The following RNF13 variants were observed in gnomAD, a reference collection of about 807,000 sequenced individuals.
RNF13 encodes E3 ubiquitin-protein ligase RNF13.
Under a neutral mutation model 37.7 loss-of-function variants are expected in RNF13, and 19 were observed. The ratio of observed to expected loss-of-function variants is 0.50; its 90% CI spans 0.35 to 0.74. RNF13 has a LOEUF of 0.74. Ranked by LOEUF, RNF13 falls within the 30% of genes least tolerant of loss-of-function variation. The pLI, the probability that RNF13 is intolerant of heterozygous loss-of-function variation, is 0.01. For missense variants in RNF13, 375 were observed against 453.0 expected, an observed-to-expected ratio of 0.83 and a Z score of 1.56; for synonymous variants, 144 against 157.8, an observed-to-expected ratio of 0.91 and a Z score of 0.65.
intron 8 of RNF13, among the ~76,000 whole-genome samples, chr3:149,950,931 A>G (rs1345471116): frequency 6.6e-6 from 1 of 152,024 alleles, no homozygotes; most frequent in African/African-American, 2.4e-5. Context: ...GGAGTTGGGT[A>G]TTTTTGCCCT....
intron 7 of RNF13, among the ~76,000 whole-genome samples, chr3:149,914,408 G>A (rs1265920069): frequency 5.3e-5 from 8 of 152,004 alleles, no homozygotes; most frequent in African/African-American, 2.4e-5. Flanking sequence ...CATTAATCAT[G>A]TAATCATGTA....
chr3:149,814,167 C>G (rs929876703), intron 1 of RNF13: 1 of 152,196 alleles, frequency 6.6e-6, no homozygotes, highest in Non-Finnish European at 1.5e-5. Context: ...TATTACTGTT[C>G]GTCAGTGATG....
chr3:149,925,123 C>T (rs1440570647), intron 8 of RNF13, among the ~76,000 whole-genome samples: 1 of 152,038 alleles, frequency 6.6e-6, no homozygotes, highest in African/African-American at 2.4e-5. Flanking sequence ...ACTATTATTC[C>T]AGGAGAGTAG....
intron 3 of RNF13, among the ~76,000 whole-genome samples, chr3:149,868,046 G>T (rs188360649): frequency 6.6e-6 from 1 of 151,542 alleles, no homozygotes; most frequent in African/African-American, 2.4e-5. Context: ...AAAGGAAAAT[G>T]AAAAAAAATC....
intron 6 of RNF13, among the ~76,000 whole-genome samples, chr3:149,904,200 A>G (rs971404559): frequency 1.3e-5 from 2 of 152,114 alleles, no homozygotes; most frequent in Non-Finnish European, 2.9e-5. Flanking sequence ...TTAAATGGGT[A>G]TTTTATTTTT....
intron 2 of RNF13, among the ~76,000 whole-genome samples, chr3:149,851,984 G>A (rs1723162383): frequency 3.3e-5 from 5 of 152,250 alleles, no homozygotes; most frequent in East Asian, 1.9e-4. Context: ...AGCTTTTTCC[G>A]TGTATGTATT....
At chr3:149,871,079 T>C (rs1711992514) in intron 3 of RNF13, among the ~76,000 whole-genome samples, 1 of 147,196 alleles carries the variant, frequency 6.8e-6, no homozygotes, top group South Asian at 2.3e-4. Context: ...TTTCGCTCTA[T>C]CGCCCAGGCT....
chr3:149,952,709 C>T (rs1379543798), intron 8 of RNF13, among the ~76,000 whole-genome samples: 3 of 152,110 alleles, frequency 2.0e-5, no homozygotes, highest in Admixed American at 6.5e-5. Flanking sequence ...AAGCGATTCT[C>T]CTGCCTCAGC....
chr3:149,900,149 AAAGT>A (rs2108499377), intron 5 of RNF13, among the ~76,000 whole-genome samples: 1 of 152,318 alleles, frequency 6.6e-6, no homozygotes, highest in African/African-American at 2.4e-5. Flanking sequence ...TCATTTTATT[AAAGT>A]AAGGAGCTTT....
intron 8 of RNF13, among the ~76,000 whole-genome samples, chr3:149,959,709 A>G (rs1045641753): frequency 6.6e-6 from 1 of 152,222 alleles, no homozygotes; most frequent in Non-Finnish European, 1.5e-5. Flanking sequence ...TTTTTATTTA[A>G]AAAATGACTC....
chr3:149,849,275 T>C (rs1344732194), intron 2 of RNF13, among the ~76,000 whole-genome samples: 74 of 152,194 alleles, frequency 4.9e-4, no homozygotes, highest in Non-Finnish European at 1.0e-4. Flanking sequence ...CCATCTTATA[T>C]GAGAGTCAAA....
At chr3:149,949,015 C>G (rs758134957) in intron 8 of RNF13, among the ~76,000 whole-genome samples, 2 of 151,302 alleles carry the variant, frequency 1.3e-5, no homozygotes, top group African/African-American at 2.4e-5. Context: ...GTGACAGAGC[C>G]AGACCCTGTC....
intron 3 of RNF13, among the ~76,000 whole-genome samples, chr3:149,856,605 G>A (rs958578088): frequency 6.6e-6 from 1 of 151,698 alleles, no homozygotes; most frequent in Non-Finnish European, 1.5e-5. Context: ...TACTGTGCCC[G>A]GCTAATTTTT....
intron 4 of RNF13, among the ~76,000 whole-genome samples, chr3:149,890,184 G>A (rs1042477783): frequency 2.0e-5 from 3 of 152,124 alleles, no homozygotes; most frequent in East Asian, 1.9e-4. Flanking sequence ...ATTCTTTCAC[G>A]TCATTGCTGT....
chr3:149,863,648 G>A (rs1291665938), intron 3 of RNF13, among the ~76,000 whole-genome samples: 1 of 152,148 alleles, frequency 6.6e-6, no homozygotes, highest in Non-Finnish European at 1.5e-5. Context: ...CCAAAGTACT[G>A]GGATTACAGG....
chr3:149,954,613 G>T (rs1184917648), intron 8 of RNF13, among the ~76,000 whole-genome samples: 1 of 152,116 alleles, frequency 6.6e-6, no homozygotes, highest in Non-Finnish European at 1.5e-5. Context: ...CTTGAATATA[G>T]TATCTGTAAA....
At chr3:149,861,737 G>A (rs1381059982) in intron 3 of RNF13, among the ~76,000 whole-genome samples, 1 of 152,120 alleles carries the variant, frequency 6.6e-6, no homozygotes. Context: ...GGTGACTATA[G>A]TTAGCAATAA....
chr3:149,953,644 C>A (rs2108607687), intron 8 of RNF13, among the ~76,000 whole-genome samples: 1 of 152,238 alleles, frequency 6.6e-6, no homozygotes, highest in East Asian at 1.9e-4. Flanking sequence ...ACCTAGGAGG[C>A]AATATAATAC....
At chr3:149,903,047 A>G (rs1716009306) in intron 6 of RNF13, among the ~76,000 whole-genome samples, 1 of 152,140 alleles carries the variant, frequency 6.6e-6, no homozygotes, top group South Asian at 2.1e-4. Context: ...AAATCCACGA[A>G]TATTTCTGTT....
Sources: allele counts gnomAD v4.1 joint callset (sites outside exome capture counted in the v4.1 genomes callset), GRCh38; gene constraint gnomAD v4.1.1; transcripts MANE v1.5; gene names NCBI Gene and HGNC (gene_info 2026-07-23, HGNC 2026-07-21).